The following GPC3 variants were observed in gnomAD, a reference collection of about 807,000 sequenced individuals.
GPC3 encodes glypican-3.
A neutral mutation model predicts 34.4 loss-of-function variants in GPC3; 3 were observed. That is an observed-to-expected ratio of 0.09 (90% CI 0.04 to 0.23). GPC3 has a LOEUF of 0.23. Among genes scored for constraint, GPC3 ranks in the 10% least tolerant of loss-of-function variants. GPC3 has a pLI of 1.00. For missense variants in GPC3, 351 were observed against 445.6 expected (o/e 0.79, Z 1.91); for synonymous variants, 177 against 174.0 (o/e 1.02, Z -0.13).
chrX:133,614,065 G>A (rs182892318), intron 6 of GPC3, among the ~76,000 whole-genome samples: 74 of 111,087 alleles, frequency 6.7e-4, no homozygotes, highest in African/African-American at 2.3e-3. Context: ...AATTCGGTAT[G>A]AGGAAAAGAA....
chrX:133,941,626 G>T (rs1207512023), intron 2 of GPC3, among the ~76,000 whole-genome samples: 1 of 111,926 alleles, frequency 8.9e-6, no homozygotes, highest in Non-Finnish European at 1.9e-5. Context: ...CCACACAGCT[G>T]GTGTCAGAAC....
rs1173737536 is a variant in GPC3 at position 133,867,640 on chromosome X, C to G, written c.337+85410G>C. Among the ~76,000 whole-genome samples the G allele has an allele frequency of 2.7e-5, 3 of 109,172 alleles. No homozygotes were observed. In the Admixed American group the frequency reaches 3.0e-4, roughly 11 times the overall value. 94.8% of individuals were successfully genotyped at this position (109,172 alleles called of 115,157 possible). A position where few individuals can be genotyped will look rare whatever the true frequency, so the allele number is the denominator to read the frequency against. ...AGAGGCCGGTTCCCTGGCAAAGGCC[C>G]CATCTTCAAGCCTGAAGACCTGTGG... On this transcript the variant is annotated intron_variant, in intron 2 of 7. Coordinates refer to ENST00000370818, the MANE Select transcript of GPC3 (RefSeq NM_004484.4).
chrX:133,640,760 G>A (rs2070472226), intron 6 of GPC3, among the ~76,000 whole-genome samples: 2 of 112,131 alleles, frequency 1.8e-5, no homozygotes, highest in African/African-American at 6.5e-5. Flanking sequence ...TTTTTCACAC[G>A]TAGAACTATT....
At chrX:133,892,756 C>T (rs2076093943) in intron 2 of GPC3, among the ~76,000 whole-genome samples, 1 of 110,117 alleles carries the variant, frequency 9.1e-6, no homozygotes, top group Non-Finnish European at 1.9e-5. Flanking sequence ...TTGGAGAGGA[C>T]TAAAGGAAGG....
At chrX:133,720,779 A>G (rs1271774401) in intron 3 of GPC3, among the ~76,000 whole-genome samples, 3 of 111,527 alleles carry the variant, frequency 2.7e-5, no homozygotes, top group Non-Finnish European at 5.6e-5. Flanking sequence ...TAAGTGAAGT[A>G]ACTCAGGAAT....
chrX:133,850,821 G>A (rs1603259465), intron 2 of GPC3, among the ~76,000 whole-genome samples: 1 of 110,969 alleles, frequency 9.0e-6, no homozygotes, highest in African/African-American at 3.3e-5. Context: ...AAACTTTCTG[G>A]TGGCTCATGC....
chrX:133,689,756 T>C (rs2071044289), intron 5 of GPC3, among the ~76,000 whole-genome samples: 1 of 112,035 alleles, frequency 8.9e-6, no homozygotes, highest in African/African-American at 3.2e-5. Context: ...ATTTGTAAAG[T>C]AAAATTTCCT....
At chrX:133,767,054 A>G (rs1339015172) in intron 2 of GPC3, among the ~76,000 whole-genome samples, 1 of 112,456 alleles carries the variant, frequency 8.9e-6, no homozygotes, top group African/African-American at 3.2e-5. Context: ...AGATTTGAAT[A>G]TAAGCAGTTT....
intron 1 of GPC3, among the ~76,000 whole-genome samples, chrX:133,963,931 G>A (rs2076452020): frequency 9.0e-6 from 1 of 111,172 alleles, no homozygotes; most frequent in South Asian, 3.9e-4. Context: ...CATAATTTGG[G>A]TAGCAATGTC....
intron 6 of GPC3, among the ~76,000 whole-genome samples, chrX:133,606,290 A>G (rs193294401): frequency 1.8e-5 from 2 of 112,350 alleles, no homozygotes; most frequent in Admixed American, 1.9e-4. Context: ...ATAGCTTAGA[A>G]GTGTATAGGG....
At chrX:133,817,101 C>CT (rs1332893124) in intron 2 of GPC3, among the ~76,000 whole-genome samples, 1 of 111,939 alleles carries the variant, frequency 8.9e-6, no homozygotes, top group Non-Finnish European at 1.9e-5. Flanking sequence ...GATCTCACCT[C>CT]TGTCCACTTT....
chrX:133,808,533 T>C (rs1418667882), intron 2 of GPC3, among the ~76,000 whole-genome samples: 1 of 111,571 alleles, frequency 9.0e-6, no homozygotes, highest in Non-Finnish European at 1.9e-5. Flanking sequence ...TATGCTATAA[T>C]ATCAGGAAGT....
In GPC3 at chrX:133,985,592, C is replaced by CCTGGGCG; in HGVS notation, c.-144_-143insCGCCCAG. 2 of 495,580 alleles carry CCTGGGCG rather than the reference C, an allele frequency of 4.0e-6. No individual in the cohort carries two copies. Among genetic ancestry groups the CCTGGGCG allele is most frequent in the Non-Finnish European group, 6.2e-6 (2 of 321,619 alleles). The allele number at this position is 495,580 out of a possible 1,213,427, so 40.8% of individuals were successfully genotyped here. A position where few individuals can be genotyped will look rare whatever the true frequency, so the allele number is the denominator to read the frequency against. On this transcript the variant is annotated 5_prime_UTR_variant, in exon 1 of 8. Transcript: ENST00000370818. ...CGCTGCAAAAGTTTCCTCGCAGCTA[C>CCTGGGCG]CTGGGCGCTGGGCGAGGGCGGGAAC... is the stretch of plus-strand genomic sequence containing the variant.
intron 1 of GPC3, among the ~76,000 whole-genome samples, chrX:133,954,905 G>A (rs370181120): frequency 5.5e-5 from 6 of 109,231 alleles, no homozygotes; most frequent in Admixed American, 2.9e-4. Flanking sequence ...CTGCCACCAC[G>A]CCTGGCTAAT....
At chrX:133,756,029 A>G (rs1603241151) in intron 2 of GPC3, among the ~76,000 whole-genome samples, 1 of 112,614 alleles carries the variant, frequency 8.9e-6, no homozygotes, top group Non-Finnish European at 1.9e-5. Context: ...GAGATAAATG[A>G]TAAACCATCC....
At chrX:133,760,850 T>C (rs1006380598) in intron 2 of GPC3, among the ~76,000 whole-genome samples, 2 of 111,948 alleles carry the variant, frequency 1.8e-5, no homozygotes, top group African/African-American at 6.5e-5. Flanking sequence ...GCTAATAATG[T>C]TAATAATAGA....
rs201310379 is a variant in GPC3 at position 133,536,169 on chromosome X, G to A, written c.1698C>T (p.Thr566=). 3 of 1,205,244 alleles carry A rather than the reference G, an allele frequency of 2.5e-6. No homozygotes were observed. In the African/African-American group the frequency reaches 5.3e-5, roughly 21 times the overall value. ...AGCACACCACCGAGATGGCCATGCT[G>A]GTGAGAAGCTTCAGCGGGGAATGAA... The part of the protein sequence containing the change: ...GNVHSPLKLL[T]SMAISVVCFF... The change falls in exon 8 of 8, where the codon ACC becomes ACT. Residue 566 remains threonine (T), a synonymous_variant. Transcript: ENST00000370818.
At chrX:133,614,078 A>T (rs1376226243) in intron 6 of GPC3, among the ~76,000 whole-genome samples, 2 of 111,637 alleles carry the variant, frequency 1.8e-5, no homozygotes, top group Non-Finnish European at 1.9e-5. Context: ...GAAAAGAAAA[A>T]AAGAAGGAAC....
intron 7 of GPC3, among the ~76,000 whole-genome samples, chrX:133,550,530 C>T (rs1398389670): frequency 8.9e-6 from 1 of 111,972 alleles, no homozygotes; most frequent in African/African-American, 3.3e-5. Flanking sequence ...AAGAAATTCA[C>T]CTTATTCCCC....
Sources: gnomAD v4.1 joint callset for allele counts (sites outside exome capture counted in the v4.1 genomes callset) on GRCh38, gnomAD v4.1.1 for gene constraint, MANE v1.5 for transcripts, NCBI Gene and HGNC (gene_info 2026-07-23, HGNC 2026-07-21) for gene names.